The following CFAP52 variants were observed in gnomAD, a reference collection of about 807,000 sequenced individuals.
The protein encoded by CFAP52 is cilia- and flagella-associated protein 52.
In CFAP52, 57 loss-of-function variants were observed where a neutral mutation model predicts 70.5. The observed-to-expected ratio is 0.81, with a 90% confidence interval of 0.65 to 1.01. CFAP52 has a LOEUF of 1.01. Ranked by LOEUF, CFAP52 falls within the 50% of genes least tolerant of loss-of-function variation. The probability of loss-of-function intolerance (pLI) is 0.00; values close to 1 mark genes in which losing one functional copy is unlikely to be tolerated. For missense variants in CFAP52, 785 were observed against 788.5 expected (o/e 1.00, Z 0.05); for synonymous variants, 267 against 292.5 (o/e 0.91, Z 0.89).
intron 8 of CFAP52, among the ~76,000 whole-genome samples, chr17:9,615,233 G>A (rs1314095506): frequency 1.3e-5 from 2 of 152,162 alleles, no homozygotes; most frequent in African/African-American, 4.8e-5. Context: ...ATTATACTGA[G>A]ATTAAATCAT....
chr17:9,631,853 C>T (rs1329059915), intron 9 of CFAP52, among the ~76,000 whole-genome samples: 7 of 150,894 alleles, frequency 4.6e-5, no homozygotes, highest in African/African-American at 7.3e-5. Flanking sequence ...CTGCAACCTC[C>T]GCCTCCCGGG....
At chr17:9,605,694 GAAAAAAAAAAAAA>G (rs56157011) in intron 6 of CFAP52, among the ~76,000 whole-genome samples, 4 of 56,968 alleles carry the variant, frequency 7.0e-5, no homozygotes, top group East Asian at 1.0e-3. Flanking sequence ...GACTCCATCT[GAAAAAAAAAAAAA>G]AAAAAAAAAA....
chr17:9,633,182 T>C (rs890061277), intron 10 of CFAP52, 149 bp downstream of exon 10: 1 of 954,882 alleles, frequency 1.0e-6, no homozygotes, highest in Non-Finnish European at 1.5e-6. Flanking sequence ...AAATATGTCA[T>C]AAATAAAAGT....
chr17:9,602,419 C>G (rs902129683), intron 6 of CFAP52, among the ~76,000 whole-genome samples: 7 of 152,108 alleles, frequency 4.6e-5, no homozygotes. Flanking sequence ...ATGATGGTTT[C>G]CAGCTTCATC....
chr17:9,630,846 C>G (rs1158051938), intron 9 of CFAP52, among the ~76,000 whole-genome samples: 1 of 148,196 alleles, frequency 6.7e-6, no homozygotes, highest in Non-Finnish European at 1.5e-5. Context: ...ATTAGCCGGG[C>G]GTGGTGGCGG....
chr17:9,612,946 AT>A (rs1479664078), intron 8 of CFAP52, among the ~76,000 whole-genome samples: 1 of 152,100 alleles, frequency 6.6e-6, no homozygotes, highest in Non-Finnish European at 1.5e-5. Flanking sequence ...ATAAAATAGG[AT>A]TTGTGTTAGA....
At chr17:9,636,365 T>C (rs909503230) in intron 11 of CFAP52, among the ~76,000 whole-genome samples, 2 of 152,282 alleles carry the variant, frequency 1.3e-5, no homozygotes, top group African/African-American at 2.4e-5. Flanking sequence ...TACATTTGCC[T>C]TTCCCCTCGG....
intron 9 of CFAP52, among the ~76,000 whole-genome samples, chr17:9,630,567 C>T (rs1169637865): frequency 2.0e-5 from 3 of 149,144 alleles, no homozygotes; most frequent in East Asian, 4.3e-4. Context: ...GTAGCTGGGA[C>T]TACAGGCGCC....
At chr17:9,581,168 T>A (rs755456447) in intron 1 of CFAP52, among the ~76,000 whole-genome samples, 5 of 151,912 alleles carry the variant, frequency 3.3e-5, no homozygotes, top group Non-Finnish European at 7.4e-5. Context: ...TACCAAAAAA[T>A]TAGCCGGGCG....
At chr17:9,625,466 T>C (rs914160281) in intron 8 of CFAP52, among the ~76,000 whole-genome samples, 6 of 146,980 alleles carry the variant, frequency 4.1e-5, no homozygotes, top group Non-Finnish European at 1.5e-5. Context: ...CAGAGATTTG[T>C]GCAGTGTTTA....
At chr17:9,596,712 G>A (rs1235049153) in intron 4 of CFAP52, among the ~76,000 whole-genome samples, 2 of 151,160 alleles carry the variant, frequency 1.3e-5, no homozygotes, top group Non-Finnish European at 3.0e-5. Flanking sequence ...GTTGTTGTGT[G>A]TGTGTGTGTG....
At chr17:9,631,028 A>AAGAGAGAGAGAGAGAGAGAGAGAGAGAG (rs761523039) in intron 9 of CFAP52, among the ~76,000 whole-genome samples, 4 of 44,722 alleles carry the variant, frequency 8.9e-5, no homozygotes, top group Admixed American at 5.1e-4. Context: ...GAAAGAAAGA[A>AAGAGAGAGAGAGAGAGAGAGAGAGAGAG]AGAGAGAGAG....
chr17:9,598,304 CA>C lies in CFAP52; in HGVS notation c.608del (p.Gln203ArgfsTer2). 1.2e-6 allele frequency: 2 copies of C among 1,612,642 alleles called. No individual in the cohort carries two copies. Among genetic ancestry groups the C allele is most frequent in the Non-Finnish European group, 1.7e-6 (2 of 1,179,656 alleles). ...CTGGCCAACTGAGTGCCAAACAGGA[CA>C]GTTGAAAAGAATAGTCATGAGTATT... ...KIWPTECQTGQLKRIVMSIGV... is the reference protein window; with the variant it reads ...KIWPTECQTGXLKRIVMSIGV... On this transcript the variant is annotated frameshift_variant, in exon 5 of 14. Transcript: ENST00000352665. LOFTEE classifies it high-confidence loss of function.
In CFAP52 at chr17:9,589,728, G is replaced by A. The variant is rs552806570; in HGVS notation, c.407+2894G>A. Among the ~76,000 whole-genome samples, 107 of 48,092 alleles carry A rather than the reference G, an allele frequency of 2.2e-3. 1 individual carries two copies. The highest frequency in any genetic ancestry group is 7.6e-3 in the African/African-American group (91 of 11,982). The allele number at this position is 48,092 out of a possible 152,430, so 31.6% of individuals were successfully genotyped here. A position where few individuals can be genotyped will look rare whatever the true frequency, so the allele number is the denominator to read the frequency against. On this transcript the variant is annotated intron_variant, in intron 3 of 13. Coordinates refer to ENST00000352665, the MANE Select transcript of CFAP52 (RefSeq NM_145054.5). ...AGCCTGGGGACAAGAGCGAGACTCC[G>A]TCTCAAAAAAAAAAAAAAAAAAAAA...
At chr17:9,623,529 G>A (rs1245364095) in intron 8 of CFAP52, among the ~76,000 whole-genome samples, 2 of 152,122 alleles carry the variant, frequency 1.3e-5, no homozygotes, top group African/African-American at 2.4e-5. Context: ...ACATTTTCAA[G>A]AAATTAAGAG....
chr17:9,608,522 T>C (rs897781913), intron 7 of CFAP52, among the ~76,000 whole-genome samples: 10 of 152,354 alleles, frequency 6.6e-5, no homozygotes, highest in African/African-American at 2.4e-4. Flanking sequence ...CGGGATGTTA[T>C]AAACTTATCC....
chr17:9,644,394 C>G (rs139811610), downstream of CFAP52, among the ~76,000 whole-genome samples: 100 of 152,232 alleles, frequency 6.6e-4, no homozygotes, highest in Middle Eastern at 3.4e-3. Context: ...CGTGAGCCAC[C>G]GCGCCCGGCC....
intron 8 of CFAP52, among the ~76,000 whole-genome samples, chr17:9,626,092 C>T (rs955787143): frequency 6.6e-6 from 1 of 152,098 alleles, no homozygotes; most frequent in African/African-American, 2.4e-5. Context: ...TCATCATGAT[C>T]CAATCAATTG....
chr17:9,609,504 G>A (rs536285248), intron 7 of CFAP52, among the ~76,000 whole-genome samples: 11 of 152,182 alleles, frequency 7.2e-5, no homozygotes, highest in African/African-American at 2.6e-4. Context: ...AGCCCAGCCT[G>A]GGCAACACAG....
Sources: gnomAD v4.1 joint callset for allele counts (sites outside exome capture counted in the v4.1 genomes callset) on GRCh38, gnomAD v4.1.1 for gene constraint, MANE v1.5 for transcripts, NCBI Gene and HGNC (gene_info 2026-07-23, HGNC 2026-07-21) for gene names.